DNMT3B: variants seen among roughly 807,000 people sequenced by gnomAD.
DNMT3B encodes DNA methyltransferase 3 beta.
In DNMT3B, 37 loss-of-function variants were observed where a neutral mutation model predicts 120.2. The ratio of observed to expected loss-of-function variants is 0.31; its 90% CI spans 0.24 to 0.40. The LOEUF is 0.40. Ranked by LOEUF, DNMT3B falls within the 10% of genes least tolerant of loss-of-function variation. The pLI is 1.00. For missense variants in DNMT3B, 878 were observed against 1,137.3 expected (o/e 0.77, Z 3.28); for synonymous variants, 412 against 442.8 (o/e 0.93, Z 0.87).
intron 2 of DNMT3B, among the ~76,000 whole-genome samples, chr20:32,780,970 G>C (rs1170428520): frequency 2.0e-5 from 3 of 152,176 alleles, no homozygotes; most frequent in African/African-American, 7.2e-5. Context: ...TTCTATTTCT[G>C]CATTGTTCCC....
chr20:32,802,235 G>C lies in DNMT3B; in HGVS notation c.2146-150G>C, dbSNP rs142163088. The C allele has an allele frequency of 1.6e-5, 13 of 822,700 alleles. No homozygotes were observed. In the Admixed American group the frequency reaches 2.1e-4, roughly 13 times the overall value. 51.0% of individuals were successfully genotyped at this position (822,700 alleles called of 1,614,324 possible). Reference sequence around the variant, plus strand: ...ATGAGGGCATTTACCATGTCCTCTAGCCAGCCTCCTGATGGCAGTAGGTCT... The same window carrying C: ...ATGAGGGCATTTACCATGTCCTCTACCCAGCCTCCTGATGGCAGTAGGTCT... On this transcript the variant is annotated intron_variant, in intron 19 of 22. Transcript: ENST00000328111.
chr20:32,769,941 A>G, intron 1 of DNMT3B, among the ~76,000 whole-genome samples: 1 of 151,980 alleles, frequency 6.6e-6, no homozygotes, highest in East Asian at 1.9e-4. Flanking sequence ...ACGTACTAGC[A>G]GTTATTTCTT....
At chr20:32,768,379 A>G (rs993881675) in intron 1 of DNMT3B, among the ~76,000 whole-genome samples, 1 of 152,020 alleles carries the variant, frequency 6.6e-6, no homozygotes, top group African/African-American at 2.4e-5. Flanking sequence ...TTTAGTAGAG[A>G]TGGTGTTTCT....
chr20:32,807,650 C>G lies in DNMT3B; in HGVS notation c.2421-112C>G, dbSNP rs891910415. 2.0e-6 allele frequency: 3 copies of G among 1,517,042 alleles called. No homozygotes were observed. In the East Asian group the frequency reaches 6.8e-5, roughly 34 times the overall value. 94.0% of individuals were successfully genotyped at this position (1,517,042 alleles called of 1,614,324 possible). On this transcript the variant is annotated intron_variant, in intron 22 of 22. Transcript: ENST00000328111. ...TGAATTTAGGTCCTTGGGGACCTTA[C>G]TGATGGGACTGAGGGATGGCGAGGG... is the stretch of plus-strand genomic sequence containing the variant.
rs561566154 is a variant in DNMT3B at position 32,798,742 on chromosome 20, C to T, written c.1674+99C>T. The stretch of plus-strand genomic sequence containing the variant: ...AGAAAGAGTAATAGAAGTAAAGACA[C>T]GTTGTACCTCTTGGAGCCTCAATGG... On this transcript the variant is annotated intron_variant, in intron 15 of 22. Transcript: ENST00000328111. 3.1e-5 allele frequency: 48 copies of T among 1,529,164 alleles called. No homozygotes were observed. The Middle Eastern group carries it at 6.8e-4, about 22-fold the overall frequency. 94.7% of individuals were successfully genotyped at this position (1,529,164 alleles called of 1,614,324 possible).
chr20:32,805,065 C>T (rs1273886782), intron 20 of DNMT3B, among the ~76,000 whole-genome samples: 1 of 152,152 alleles, frequency 6.6e-6, no homozygotes, highest in Non-Finnish European at 1.5e-5. Flanking sequence ...GTTTCTCCTG[C>T]CCTACCCCAT....
chr20:32,799,155 C>T lies in DNMT3B; in HGVS notation c.1675-89C>T, dbSNP rs561592250. ...CAGTGGCTACGGCAAGGTTTGAAGC[C>T]CTCTGAGCAGGGTCAGCCTGCCCCT... On this transcript the variant is annotated intron_variant, in intron 15 of 22. Coordinates refer to ENST00000328111, the MANE Select transcript of DNMT3B (RefSeq NM_006892.4). 8.3e-6 allele frequency: 12 copies of T among 1,446,916 alleles called. No individual in the cohort carries two copies. The Admixed American group carries it at 2.0e-4, about 24-fold the overall frequency. The allele number at this position is 1,446,916 out of a possible 1,614,324, so 89.6% of individuals were successfully genotyped here.
intron 6 of DNMT3B, among the ~76,000 whole-genome samples, chr20:32,788,080 A>G (rs1426851566): frequency 2.0e-5 from 3 of 152,198 alleles, no homozygotes; most frequent in Non-Finnish European, 4.4e-5. Context: ...AAGGTGGGGC[A>G]GGGCATATTC....
chr20:32,802,308 C>G, intron 19 of DNMT3B, 77 bp from the exon 20 acceptor site: 1 of 1,467,920 alleles, frequency 6.8e-7, no homozygotes, highest in Middle Eastern at 1.7e-4. Flanking sequence ...GGGAATAGCC[C>G]TGTCACCTGC....
At chr20:32,789,186 A>C (rs558666547) in intron 7 of DNMT3B, among the ~76,000 whole-genome samples, 174 bp downstream of exon 7, 5 of 152,246 alleles carry the variant, frequency 3.3e-5, no homozygotes, top group Non-Finnish European at 7.3e-5. Flanking sequence ...GATTCCACTC[A>C]CACGGGGGAC....
At chr20:32,769,472 A>G (rs1156701360) in intron 1 of DNMT3B, among the ~76,000 whole-genome samples, 6 of 152,190 alleles carry the variant, frequency 3.9e-5, no homozygotes, top group African/African-American at 1.2e-4. Context: ...GCGCTGGGTT[A>G]AGATGCTTTG....
At chr20:32,775,754 ATGCATTCAT>A (rs1988035864) in intron 1 of DNMT3B, among the ~76,000 whole-genome samples, 1 of 152,248 alleles carries the variant, frequency 6.6e-6, no homozygotes, top group African/African-American at 2.4e-5. Context: ...GGGATGGGTG[ATGCATTCAT>A]TGTTCATAAC....
intron 21 of DNMT3B, 127 bp from the exon 22 acceptor site, chr20:32,806,082 C>T (rs980714768): frequency 3.8e-5 from 34 of 885,692 alleles, no homozygotes; most frequent in Middle Eastern, 5.3e-4. Flanking sequence ...GTACTTTTCT[C>T]TCCCAGCCCT....
chr20:32,803,560 A>C (rs949053668), intron 20 of DNMT3B, among the ~76,000 whole-genome samples: 42 of 152,354 alleles, frequency 2.8e-4, no homozygotes, highest in African/African-American at 9.9e-4. Context: ...TTTCATGGTT[A>C]AACACATCAT....
chr20:32,794,599 G>C (rs1371016378), intron 10 of DNMT3B, among the ~76,000 whole-genome samples: 2 of 151,952 alleles, frequency 1.3e-5, no homozygotes, highest in Admixed American at 1.3e-4. Context: ...AGGAGGCGGA[G>C]GTTGCAGTGA....
chr20:32,796,369 A>C lies in DNMT3B; in HGVS notation c.1298-421A>C, dbSNP rs117088410. On this transcript the variant is annotated intron_variant, in intron 12 of 22. Transcript: ENST00000328111. ...ATATGAAGGGAAGGCAGGGTTGCCT[A>C]CTGGTTAAAGGACCTGGATTCTGAA... 3.8e-3 allele frequency among the ~76,000 whole-genome samples: 582 copies of C among 152,296 alleles called. 1 individual carries two copies. The highest frequency in any genetic ancestry group is 4.8e-3 in the Non-Finnish European group (326 of 68,014).
In DNMT3B at chr20:32,798,451, T is replaced by G; in HGVS notation, c.1491-9T>G. The G allele has an allele frequency of 1.2e-6, 2 of 1,614,182 alleles. No individual in the cohort carries two copies. The highest frequency in any genetic ancestry group is 1.7e-6 in the Non-Finnish European group (2 of 1,180,026). On this transcript the variant is annotated splice_polypyrimidine_tract_variant and intron_variant, in intron 14 of 22. Coordinates refer to ENST00000328111, the MANE Select transcript of DNMT3B (RefSeq NM_006892.4). The stretch of plus-strand genomic sequence containing the variant: ...CAAAGGCATCCCTTCTCCCTGCCAC[T>G]GGGTCCAGGTGTTTCTGTGTGGAGT...
intron 5 of DNMT3B, 130 bp downstream of exon 5, chr20:32,786,757 C>CT: frequency 6.7e-7 from 1 of 1,481,644 alleles, no homozygotes; most frequent in Non-Finnish European, 9.2e-7. Flanking sequence ...CAGGTTCTTG[C>CT]TTTTTCTTTT....
At chr20:32,802,335 C>T (rs771115502) in intron 19 of DNMT3B, 50 bp from the exon 20 acceptor site, 1 of 1,596,060 alleles carries the variant, frequency 6.3e-7, no homozygotes, top group South Asian at 1.1e-5. Flanking sequence ...CTGGTTGACA[C>T]TGAAACTCTA....
Sources: gnomAD v4.1 joint callset for allele counts (sites outside exome capture counted in the v4.1 genomes callset) on GRCh38, gnomAD v4.1.1 for gene constraint, MANE v1.5 for transcripts, NCBI Gene and HGNC (gene_info 2026-07-23, HGNC 2026-07-21) for gene names.